The following PRKG1 variants were observed in gnomAD, a reference collection of about 807,000 sequenced individuals.
PRKG1 encodes protein kinase cGMP-dependent 1.
PRKG1 carries 35 observed loss-of-function variants against 88.1 expected under a neutral mutation model. The ratio of observed to expected loss-of-function variants is 0.40; its 90% confidence interval spans 0.30 to 0.53. PRKG1 has a LOEUF of 0.53. Among genes scored for constraint, PRKG1 ranks in the 20% least tolerant of loss-of-function variants. PRKG1 has a pLI of 0.59. For synonymous variants in PRKG1, 303 were observed against 292.5 expected, an observed-to-expected ratio of 1.04 and a Z score of -0.37; for missense variants, 540 against 839.8, an observed-to-expected ratio of 0.64 and a Z score of 4.41.
chr10:50,997,324 C>T (rs1232055323), intron 1 of PRKG1, among the ~76,000 whole-genome samples: 1 of 152,076 alleles, frequency 6.6e-6, no homozygotes, highest in Admixed American at 6.5e-5. Context: ...TCTAATACAC[C>T]AGGAGTTCTT....
intron 10 of PRKG1, among the ~76,000 whole-genome samples, chr10:52,255,575 A>G (rs991971348): frequency 2.6e-5 from 4 of 152,072 alleles, no homozygotes. Flanking sequence ...TTATGTATAT[A>G]TGTAGTGAGC....
chr10:51,286,412 C>T (rs1366405076), intron 2 of PRKG1, among the ~76,000 whole-genome samples: 2 of 152,108 alleles, frequency 1.3e-5, no homozygotes, highest in Admixed American at 6.5e-5. Context: ...TTTTCTTTTC[C>T]ATTTTATACC....
At chr10:51,389,280 A>G (rs12269264) in intron 2 of PRKG1, among the ~76,000 whole-genome samples, 52,922 of 152,062 alleles carry the variant, frequency 0.35, 10,025 homozygotes, top group Middle Eastern at 0.44. Context: ...ATGCAAAGAC[A>G]TTACTCTTAG....
chr10:51,779,170 G>T (rs1244808347), intron 3 of PRKG1, among the ~76,000 whole-genome samples: 1 of 152,044 alleles, frequency 6.6e-6, no homozygotes. Flanking sequence ...CATTCATTAG[G>T]CATGTACAAT....
At chr10:51,935,558 A>G (rs1407255789) in intron 5 of PRKG1, among the ~76,000 whole-genome samples, 1 of 152,132 alleles carries the variant, frequency 6.6e-6, no homozygotes, top group Non-Finnish European at 1.5e-5. Context: ...TTAATTTCAT[A>G]CAACCCGGCA....
chr10:52,116,661 C>T (rs556413379), intron 7 of PRKG1, among the ~76,000 whole-genome samples: 9 of 152,088 alleles, frequency 5.9e-5, no homozygotes, highest in South Asian at 4.2e-4. Flanking sequence ...CAACAGTAAA[C>T]GGGAGTGAAC....
At chr10:50,994,951 T>C (rs567777864) in intron 1 of PRKG1, among the ~76,000 whole-genome samples, 1 of 152,320 alleles carries the variant, frequency 6.6e-6, no homozygotes, top group Non-Finnish European at 1.5e-5. Flanking sequence ...AGTTAAAGTG[T>C]ATGAAAGGAT....
chr10:51,210,330 AT>A (rs1294260918), intron 2 of PRKG1, among the ~76,000 whole-genome samples: 1 of 152,146 alleles, frequency 6.6e-6, no homozygotes, highest in Non-Finnish European at 1.5e-5. Flanking sequence ...GTAGAGGGAA[AT>A]TTATAGCACT....
At chr10:51,876,006 C>T (rs1841290676) in intron 4 of PRKG1, among the ~76,000 whole-genome samples, 1 of 151,112 alleles carries the variant, frequency 6.6e-6, no homozygotes, top group Admixed American at 6.6e-5. Context: ...GCACCCTTTA[C>T]CTTTGGTTTG....
chr10:52,142,306 T>A lies in PRKG1; in HGVS notation c.1001+8401T>A, dbSNP rs148375648. Among the ~76,000 whole-genome samples, 513 of 152,272 alleles carry A rather than the reference T, an allele frequency of 3.4e-3. 2 individuals carry two copies. The highest frequency in any genetic ancestry group is 0.012 in the African/African-American group (484 of 41,556). On this transcript the variant is annotated intron_variant, in intron 8 of 17. Coordinates refer to ENST00000373980, the MANE Select transcript of PRKG1 (RefSeq NM_006258.4). ...TGACTAAGATAGAAAACTCATACATTTATTAATTCAATAAGCACATACTGA... is the reference window on the plus strand; with the variant it reads ...TGACTAAGATAGAAAACTCATACATATATTAATTCAATAAGCACATACTGA...
At chr10:51,092,242 T>C (rs1228331068) in intron 1 of PRKG1, among the ~76,000 whole-genome samples, 1 of 152,122 alleles carries the variant, frequency 6.6e-6, no homozygotes, top group African/African-American at 2.4e-5. Context: ...AAAAATGTAA[T>C]ACAAAATAAC....
chr10:51,421,904 C>T (rs945534647), intron 2 of PRKG1, among the ~76,000 whole-genome samples: 2 of 152,182 alleles, frequency 1.3e-5, no homozygotes, highest in African/African-American at 4.8e-5. Flanking sequence ...GTCACTTAAC[C>T]TCTCTGAATC....
chr10:52,151,157 G>A (rs576392785), intron 8 of PRKG1, among the ~76,000 whole-genome samples: 1 of 152,188 alleles, frequency 6.6e-6, no homozygotes, highest in East Asian at 1.9e-4. Context: ...ATGCGGGTTT[G>A]GTGTGTAGAC....
chr10:51,241,587 C>T (rs1839153958), intron 2 of PRKG1, among the ~76,000 whole-genome samples: 1 of 152,144 alleles, frequency 6.6e-6, no homozygotes, highest in Non-Finnish European at 1.5e-5. Flanking sequence ...CAAGAATAAA[C>T]AGCTTTACAG....
At chr10:51,570,893 C>G (rs1211927707) in intron 3 of PRKG1, among the ~76,000 whole-genome samples, 1 of 151,990 alleles carries the variant, frequency 6.6e-6, no homozygotes, top group Non-Finnish European at 1.5e-5. Context: ...CCTAATGGAA[C>G]TGTAACCCAT....
At chr10:51,622,883 T>C (rs1839244492) in intron 3 of PRKG1, among the ~76,000 whole-genome samples, 1 of 152,222 alleles carries the variant, frequency 6.6e-6, no homozygotes, top group Admixed American at 6.5e-5. Flanking sequence ...TCATTCATAG[T>C]GCTAAGATAC....
intron 4 of PRKG1, among the ~76,000 whole-genome samples, chr10:51,873,977 T>A (rs1223123229): frequency 1.3e-5 from 2 of 152,222 alleles, no homozygotes; most frequent in Non-Finnish European, 2.9e-5. Context: ...TTTACCACCA[T>A]TTTGAAGTAA....
intron 3 of PRKG1, among the ~76,000 whole-genome samples, chr10:51,771,260 G>A (rs143196240): frequency 1.1e-3 from 167 of 152,284 alleles, no homozygotes; most frequent in Admixed American, 4.2e-3. Context: ...CCACCATTCC[G>A]TATGCGGTCC....
At position 52,289,025 on chromosome 10, in the gene PRKG1, G is replaced by C. The variant is rs377037718; in HGVS notation, c.1895+32G>C. The C allele has an allele frequency of 3.2e-6, 5 of 1,563,554 alleles. No individual in the cohort carries two copies. The African/African-American group carries it at 5.5e-5, about 17-fold the overall frequency. ...GTTCTTTCTGCAGAGTTCTGAACACGTGACATCATTTCCCCAGGGTGTTGC... is the reference window on the plus strand; with the variant it reads ...GTTCTTTCTGCAGAGTTCTGAACACCTGACATCATTTCCCCAGGGTGTTGC... On this transcript the variant is annotated intron_variant, in intron 16 of 17. Coordinates refer to ENST00000373980, the MANE Select transcript of PRKG1 (RefSeq NM_006258.4).
Sources: gnomAD v4.1 joint callset for allele counts (sites outside exome capture counted in the v4.1 genomes callset) on GRCh38, gnomAD v4.1.1 for gene constraint, MANE v1.5 for transcripts, NCBI Gene and HGNC (gene_info 2026-07-23, HGNC 2026-07-21) for gene names.